Variants in PTPRT observed in about 807,000 individuals in gnomAD.
PTPRT encodes the protein receptor-type tyrosine-protein phosphatase T.
In PTPRT, 56 loss-of-function variants were observed where a neutral mutation model predicts 176.8. That is an observed-to-expected ratio of 0.32 (90% confidence interval 0.26 to 0.40). The LOEUF (loss-of-function observed/expected upper bound fraction) is 0.40. Ranked by LOEUF, PTPRT falls within the 10% of genes least tolerant of loss-of-function variation. The pLI, the probability that PTPRT is intolerant of heterozygous loss-of-function variation, is 1.00. For synonymous variants in PTPRT, 783 were observed against 739.0 expected (o/e 1.06, Z -0.96); for missense variants, 1,540 against 1,908.2 (o/e 0.81, Z 3.60).
intron 16 of PTPRT, among the ~76,000 whole-genome samples, chr20:42,176,410 G>A (rs1181444731): frequency 6.6e-6 from 1 of 152,140 alleles, no homozygotes; most frequent in Non-Finnish European, 1.5e-5. Context: ...ACTACACTCA[G>A]ATCCGAAGCT....
At chr20:42,134,037 A>T (rs1988259019) in intron 18 of PTPRT, among the ~76,000 whole-genome samples, 2 of 152,336 alleles carry the variant, frequency 1.3e-5, no homozygotes, top group South Asian at 4.1e-4. Flanking sequence ...GTGTTCACTA[A>T]AGGGTGGAAT....
chr20:42,941,843 GT>G (rs1980575016), intron 1 of PTPRT, among the ~76,000 whole-genome samples: 2 of 152,204 alleles, frequency 1.3e-5, no homozygotes, highest in South Asian at 4.1e-4. Flanking sequence ...ACAATTTCAT[GT>G]AGCTTTAATG....
intron 7 of PTPRT, among the ~76,000 whole-genome samples, chr20:42,488,124 T>TC (rs1351089335): frequency 2.0e-5 from 3 of 152,154 alleles, no homozygotes; most frequent in Admixed American, 2.0e-4. Flanking sequence ...GTGTGTTCTC[T>TC]CCATCATTTA....
intron 6 of PTPRT, among the ~76,000 whole-genome samples, chr20:42,698,774 G>A (rs997038948): frequency 2.0e-5 from 3 of 152,024 alleles, no homozygotes; most frequent in South Asian, 2.1e-4. Flanking sequence ...TTCCCCAACC[G>A]CCCGGGTCTT....
intron 9 of PTPRT, among the ~76,000 whole-genome samples, chr20:42,419,664 C>T (rs2059099025): frequency 6.6e-6 from 1 of 152,150 alleles, no homozygotes; most frequent in Admixed American, 6.5e-5. Flanking sequence ...CTCCTCCAGC[C>T]CCTTCCCTAC....
chr20:42,218,968 G>A (rs867380649), intron 15 of PTPRT, among the ~76,000 whole-genome samples: 12 of 152,272 alleles, frequency 7.9e-5, no homozygotes, highest in South Asian at 6.2e-4. Flanking sequence ...GACAGACGGC[G>A]TTTGCAATGG....
chr20:42,983,395 A>G (rs1276827374), intron 1 of PTPRT, among the ~76,000 whole-genome samples: 1 of 152,034 alleles, frequency 6.6e-6, no homozygotes, highest in Admixed American at 6.5e-5. Flanking sequence ...CTGCTGTTTA[A>G]TCCCTTAATC....
intron 1 of PTPRT, among the ~76,000 whole-genome samples, chr20:42,962,471 CA>C (rs2146042270): frequency 6.6e-6 from 1 of 151,444 alleles, no homozygotes; most frequent in Admixed American, 6.6e-5. Flanking sequence ...ACCTTTAGAA[CA>C]GATTTAAAAA....
At chr20:42,958,936 T>C (rs1981830566) in intron 1 of PTPRT, among the ~76,000 whole-genome samples, 1 of 152,230 alleles carries the variant, frequency 6.6e-6, no homozygotes, top group South Asian at 2.1e-4. Context: ...AATAATATGA[T>C]GCAACCTCCA....
At chr20:42,094,031 G>C (rs950581587) in intron 27 of PTPRT, among the ~76,000 whole-genome samples, 2 of 152,202 alleles carry the variant, frequency 1.3e-5, no homozygotes, top group African/African-American at 4.8e-5. Context: ...CAACATCTGG[G>C]CCTGAAAGAT....
Position 42,571,576 on chromosome 20 carries a change from C to A in PTPRT, c.1154-99014G>T, listed in dbSNP as rs564794401. On this transcript the variant is annotated intron_variant, in intron 7 of 30. Transcript: ENST00000373187. ...CAGCAAGAGAAAACTAATCCAAGTG[C>A]CCTTGTGAATGAAACTGTTCACGTA... Among the ~76,000 whole-genome samples, 21 of 152,302 alleles carry A rather than the reference C, an allele frequency of 1.4e-4. No individual in the cohort carries two copies. In the South Asian group the frequency reaches 4.4e-3, roughly 32 times the overall value.
intron 1 of PTPRT, among the ~76,000 whole-genome samples, chr20:43,170,173 T>C (rs1265767076): frequency 1.3e-5 from 2 of 151,686 alleles, no homozygotes; most frequent in African/African-American, 4.8e-5. Context: ...TCGATATATA[T>C]ACGGGGGAAA....
chr20:42,188,784 T>G (rs1990880245), intron 16 of PTPRT, among the ~76,000 whole-genome samples: 1 of 152,150 alleles, frequency 6.6e-6, no homozygotes, highest in African/African-American at 2.4e-5. Flanking sequence ...CAATTCTATT[T>G]TCTTCTCAAG....
chr20:42,276,978 G>T (rs78806885), intron 13 of PTPRT, among the ~76,000 whole-genome samples: 6,379 of 152,194 alleles, frequency 0.042, 148 homozygotes, highest in Middle Eastern at 0.14. Context: ...GGGAAAAGGA[G>T]AGGAAAATGC....
intron 12 of PTPRT, among the ~76,000 whole-genome samples, chr20:42,313,966 C>A (rs1409977994): frequency 6.6e-6 from 1 of 152,178 alleles, no homozygotes; most frequent in Non-Finnish European, 1.5e-5. Context: ...GGGTTTCTCA[C>A]CAAGCACTGA....
At chr20:42,920,658 A>G (rs1412456727) in intron 1 of PTPRT, among the ~76,000 whole-genome samples, 1 of 152,222 alleles carries the variant, frequency 6.6e-6, no homozygotes, top group African/African-American at 2.4e-5. Context: ...AACACTATTG[A>G]GCAATTTGGG....
At chr20:42,055,626 T>G in the PTPRT span, among the ~76,000 whole-genome samples, 1 of 152,194 alleles carries the variant, frequency 6.6e-6, no homozygotes, top group African/African-American at 2.4e-5. Flanking sequence ...CAGCCTACAC[T>G]GACACACTCT....
chr20:42,598,563 T>C (rs2073717394), intron 7 of PTPRT, among the ~76,000 whole-genome samples: 1 of 152,198 alleles, frequency 6.6e-6, no homozygotes. Context: ...GTTGGTATTA[T>C]GGGATGTCTT....
intron 15 of PTPRT, among the ~76,000 whole-genome samples, chr20:42,234,509 T>C (rs531111090): frequency 3.3e-5 from 5 of 152,334 alleles, no homozygotes; most frequent in South Asian, 4.1e-4. Context: ...ATTTTTTCAG[T>C]AATGGGTAAA....
Sources: gnomAD v4.1 joint callset for allele counts (sites outside exome capture counted in the v4.1 genomes callset) on GRCh38, gnomAD v4.1.1 for gene constraint, MANE v1.5 for transcripts, NCBI Gene and HGNC (gene_info 2026-07-23, HGNC 2026-07-21) for gene names.